The following KSR2 variants were observed in gnomAD, a reference collection of about 807,000 sequenced individuals.
KSR2 encodes kinase suppressor of ras 2.
KSR2 carries 25 observed loss-of-function variants against 107.8 expected under a neutral mutation model. The observed-to-expected ratio is 0.23, with a 90% CI of 0.17 to 0.32. The LOEUF is 0.32. Ranked by LOEUF, KSR2 falls within the 10% of genes least tolerant of loss-of-function variation. KSR2 has a pLI of 1.00. For missense variants in KSR2, 887 were observed against 1,268.9 expected (o/e 0.70, Z 4.57); for synonymous variants, 480 against 507.0 (o/e 0.95, Z 0.71).
At chr12:117,885,371 A>G (rs1894144885) in intron 1 of KSR2, among the ~76,000 whole-genome samples, 1 of 152,156 alleles carries the variant, frequency 6.6e-6, no homozygotes, top group African/African-American at 2.4e-5. Context: ...CACATTTTGC[A>G]GATAAGGAAA....
intron 1 of KSR2, among the ~76,000 whole-genome samples, chr12:117,927,075 TA>T (rs1410308801): frequency 6.6e-6 from 1 of 151,964 alleles, no homozygotes; most frequent in African/African-American, 2.4e-5. Context: ...ATAATTTTTT[TA>T]AAAAAAGGAC....
chr12:117,497,321 C>T (rs1873089295), intron 14 of KSR2, among the ~76,000 whole-genome samples: 1 of 152,160 alleles, frequency 6.6e-6, no homozygotes, highest in African/African-American at 2.4e-5. Flanking sequence ...AATAGAGAAA[C>T]AAACTAGGTG....
chr12:117,900,318 G>A (rs1374062780), intron 1 of KSR2, among the ~76,000 whole-genome samples: 2 of 152,102 alleles, frequency 1.3e-5, no homozygotes, highest in African/African-American at 4.8e-5. Flanking sequence ...CAGCTAATAA[G>A]AATCATAATA....
At chr12:117,591,716 A>G (rs1456980752) in intron 5 of KSR2, among the ~76,000 whole-genome samples, 1 of 151,956 alleles carries the variant, frequency 6.6e-6, no homozygotes, top group African/African-American at 2.4e-5. Context: ...CTGCTTAAAA[A>G]AAAAAAAAAT....
intron 1 of KSR2, among the ~76,000 whole-genome samples, chr12:117,905,698 C>G (rs1051459426): frequency 6.6e-6 from 1 of 152,104 alleles, no homozygotes; most frequent in Non-Finnish European, 1.5e-5. Context: ...GCCTGAGAAG[C>G]AAGTGACGAG....
intron 4 of KSR2, among the ~76,000 whole-genome samples, chr12:117,669,669 G>A (rs970720790): frequency 1.3e-5 from 2 of 151,988 alleles, no homozygotes; most frequent in African/African-American, 4.8e-5. Context: ...GGAGTTTGCA[G>A]CCAGCCTGGG....
intron 3 of KSR2, among the ~76,000 whole-genome samples, chr12:117,777,968 G>C (rs1274369376): frequency 1.3e-5 from 2 of 152,162 alleles, no homozygotes; most frequent in Non-Finnish European, 2.9e-5. Context: ...GCGAGATCAA[G>C]GCTGCAGTAA....
intron 4 of KSR2, among the ~76,000 whole-genome samples, chr12:117,736,805 C>A (rs1224865235): frequency 6.9e-6 from 1 of 143,972 alleles, no homozygotes; most frequent in Non-Finnish European, 1.5e-5. Flanking sequence ...AGAGCAAGAC[C>A]CTGTCTCAAA....
intron 3 of KSR2, among the ~76,000 whole-genome samples, chr12:117,801,277 C>T (rs1045390961): frequency 5.4e-5 from 8 of 147,198 alleles, no homozygotes; most frequent in African/African-American, 7.8e-5. Flanking sequence ...CCACCATGCC[C>T]GGCTAATTTT....
chr12:117,947,223 A>AAGAAAGAAAGAAAGAAAGAAAGAAAG (rs1896220697), intron 1 of KSR2, among the ~76,000 whole-genome samples: 12 of 114,124 alleles, frequency 1.1e-4, no homozygotes, highest in African/African-American at 4.4e-4. Context: ...GAAAGAAAGA[A>AAGAAAGAAAGAAAGAAAGAAAGAAAG]AGAAAGAAAG....
rs555845759 is a variant in KSR2 at position 117,897,887 on chromosome 12, C to A, written c.181-37456G>T. 9.2e-5 allele frequency among the ~76,000 whole-genome samples: 14 copies of A among 152,156 alleles called. No individual in the cohort carries two copies. The highest frequency in any genetic ancestry group is 2.1e-4 in the Non-Finnish European group (14 of 68,036). The stretch of plus-strand genomic sequence containing the variant: ...GTTGGCTTGAGAATATAGCCACCCA[C>A]GCGAAATGGTTGGCAGTCTATTGTA... On this transcript the variant is annotated intron_variant, in intron 1 of 19. Transcript: ENST00000339824. This position sits in a 1 kb window ranked among gnomAD's most constrained non-coding sequence, Gnocchi z 4.5.
At position 117,900,679 on chromosome 12, in the gene KSR2, G is replaced by A. The variant is rs180920664; in HGVS notation, c.181-40248C>T. Among the ~76,000 whole-genome samples the A allele has an allele frequency of 1.2e-3, 180 of 152,226 alleles. 2 individuals are homozygous for A. The highest frequency in any genetic ancestry group is 4.1e-3 in the African/African-American group (172 of 41,546). On this transcript the variant is annotated intron_variant, in intron 1 of 19. Coordinates refer to ENST00000339824, the MANE Select transcript of KSR2 (RefSeq NM_173598.6). ...AACTTGTAACCCACTGCTTTTTACT[G>A]TCTTTCTTAAGAACATCTGCATCAT... is the stretch of plus-strand genomic sequence containing the variant.
At chr12:117,949,738 A>T (rs1314350443) in intron 1 of KSR2, among the ~76,000 whole-genome samples, 1 of 152,200 alleles carries the variant, frequency 6.6e-6, no homozygotes, top group Non-Finnish European at 1.5e-5. Context: ...GAATCAGAAA[A>T]ATTGGTTGAT....
chr12:117,475,700 T>A (rs917415762), intron 17 of KSR2, among the ~76,000 whole-genome samples: 1 of 152,198 alleles, frequency 6.6e-6, no homozygotes, highest in African/African-American at 2.4e-5. Context: ...TCCAGTATAT[T>A]CTTTGATATT....
In KSR2 at chr12:117,467,212, T is replaced by C. The variant is rs774644548; in HGVS notation, c.2847-7A>G. On this transcript the variant is annotated splice_polypyrimidine_tract_variant and splice_region_variant and intron_variant, in intron 19 of 19. Transcript: ENST00000339824. ...GATGTCCAAAGGTCACAGCCTGGAG[T>C]GGGGAGAGAAGGGAGAGAGTGGTGA... The C allele has an allele frequency of 3.0e-5, 22 of 724,924 alleles. No individual in the cohort carries two copies. Among genetic ancestry groups the C allele is most frequent in the African/African-American group, 5.4e-5 (3 of 55,202 alleles). The allele number at this position is 724,924 out of a possible 1,614,324, so 44.9% of individuals were successfully genotyped here. A position where few individuals can be genotyped will look rare whatever the true frequency, so the allele number is the denominator to read the frequency against.
At chr12:117,469,375 C>T (rs139237753) in intron 19 of KSR2, among the ~76,000 whole-genome samples, 1,535 of 152,234 alleles carry the variant, frequency 0.01, 92 homozygotes, top group Admixed American at 0.094. Context: ...CACCTCACTG[C>T]ATGATGCTCA....
chr12:117,509,015 G>A (rs1028875034), intron 14 of KSR2, among the ~76,000 whole-genome samples: 2 of 151,772 alleles, frequency 1.3e-5, no homozygotes, highest in East Asian at 1.9e-4. Flanking sequence ...ATGGGCAGGG[G>A]GACAGGTAAG....
At chr12:117,912,670 C>G (rs866953849) in intron 1 of KSR2, among the ~76,000 whole-genome samples, 3 of 152,150 alleles carry the variant, frequency 2.0e-5, no homozygotes, top group African/African-American at 4.8e-5. Flanking sequence ...GGTGGGATTA[C>G]GGGACTCTGT....
intron 3 of KSR2, among the ~76,000 whole-genome samples, chr12:117,851,006 C>T (rs754792680): frequency 7.9e-5 from 12 of 152,134 alleles, no homozygotes; most frequent in Non-Finnish European, 1.6e-4. Flanking sequence ...TAAGTGGCAC[C>T]ATCACCTGCA....
Sources: allele counts gnomAD v4.1 joint callset (sites outside exome capture counted in the v4.1 genomes callset), GRCh38; gene constraint gnomAD v4.1.1; non-coding constraint Gnocchi (gnomAD v3.1); transcripts MANE v1.5; gene names NCBI Gene and HGNC (gene_info 2026-07-23, HGNC 2026-07-21).